LYPLAL1: variants seen among roughly 807,000 people sequenced by gnomAD.
LYPLAL1 encodes lysophospholipase-like protein 1.
A neutral mutation model predicts 19.7 loss-of-function variants in LYPLAL1; 23 were observed. The observed-to-expected ratio is 1.17, with a 90% CI of 0.84 to 1.65. The LOEUF (loss-of-function observed/expected upper bound fraction) is 1.65, where lower values mean the gene tolerates loss of function less well. LYPLAL1 is among the 40% of genes most tolerant of loss of function. The pLI, the probability that LYPLAL1 is intolerant of heterozygous loss-of-function variation, is 0.00. For missense variants in LYPLAL1, 355 were observed against 279.4 expected, an observed-to-expected ratio of 1.27 and a Z score of -1.93; for synonymous variants, 119 against 96.3, an observed-to-expected ratio of 1.24 and a Z score of -1.38.
At chr1:219,320,915 C>G in the LYPLAL1 span, among the ~76,000 whole-genome samples, 1 of 152,166 alleles carries the variant, frequency 6.6e-6, no homozygotes, top group Non-Finnish European at 1.5e-5. Flanking sequence ...GTGCATGTGT[C>G]TTTATAGCAG....
chr1:219,326,303 G>T, the LYPLAL1 span, among the ~76,000 whole-genome samples: 1 of 150,358 alleles, frequency 6.7e-6, no homozygotes, highest in South Asian at 2.1e-4. Context: ...TTTGGTGGGT[G>T]GGGGGTTGGG....
the LYPLAL1 span, among the ~76,000 whole-genome samples, chr1:219,229,502 C>T: frequency 1.7e-4 from 26 of 152,290 alleles, no homozygotes; most frequent in Admixed American, 3.9e-4. Flanking sequence ...TCTCCAAGCC[C>T]ATGTATCATC....
chr1:219,363,763 G>A, the LYPLAL1 span, among the ~76,000 whole-genome samples: 2 of 152,134 alleles, frequency 1.3e-5, no homozygotes, highest in Non-Finnish European at 2.9e-5. Context: ...CTGATGGTTG[G>A]CAACCCAGGC....
Position 219,201,856 on chromosome 1 carries a change from T to TA in LYPLAL1, c.361+8606dup, listed in dbSNP as rs1268043898. On this transcript the variant is annotated intron_variant, in intron 3 of 4. Coordinates refer to ENST00000366928, the MANE Select transcript of LYPLAL1 (RefSeq NM_138794.5). The stretch of plus-strand genomic sequence containing the variant: ...ATTAGTGCTATTACCCCACTTTTCA[T>TA]ATGCTGGATTCTTCACATACGTTAG... Among the ~76,000 whole-genome samples, 5 of 152,340 alleles carry TA rather than the reference T, an allele frequency of 3.3e-5. No individual in the cohort carries two copies. In the East Asian group the frequency reaches 9.6e-4, roughly 29 times the overall value.
At chr1:219,357,906 G>A in the LYPLAL1 span, among the ~76,000 whole-genome samples, 136 of 152,218 alleles carry the variant, frequency 8.9e-4, 1 homozygote, top group African/African-American at 3.0e-3. Context: ...TCTTAAATGC[G>A]TAATGCCAAA....
chr1:219,366,944 C>T, the LYPLAL1 span, among the ~76,000 whole-genome samples: 3 of 151,918 alleles, frequency 2.0e-5, no homozygotes, highest in Non-Finnish European at 4.4e-5. Context: ...CCCTTGGTCA[C>T]AACTTTGGTA....
At chr1:219,333,353 TA>T in the LYPLAL1 span, among the ~76,000 whole-genome samples, 1 of 152,046 alleles carries the variant, frequency 6.6e-6, no homozygotes, top group Non-Finnish European at 1.5e-5. Context: ...GAAGCTCCTT[TA>T]ACATCACAGT....
chr1:219,285,017 A>T, the LYPLAL1 span, among the ~76,000 whole-genome samples: 1 of 152,254 alleles, frequency 6.6e-6, no homozygotes. Flanking sequence ...CTTAAAAATT[A>T]TACAGTGGTA....
chr1:219,427,709 A>G, the LYPLAL1 span, among the ~76,000 whole-genome samples: 18 of 152,174 alleles, frequency 1.2e-4, 1 homozygote, highest in South Asian at 1.0e-3. Flanking sequence ...GAGATGAGAA[A>G]CAGCATTACA....
At chr1:219,402,966 T>C in the LYPLAL1 span, among the ~76,000 whole-genome samples, 33 of 152,186 alleles carry the variant, frequency 2.2e-4, no homozygotes, top group African/African-American at 7.5e-4. Context: ...CTCCTCACAC[T>C]GTGCTTATAT....
chr1:219,190,448 C>T (rs1027684737), intron 2 of LYPLAL1, among the ~76,000 whole-genome samples: 1 of 150,860 alleles, frequency 6.6e-6, no homozygotes, highest in Non-Finnish European at 1.5e-5. Flanking sequence ...GAAATTCCCC[C>T]AAAATTCAAG....
chr1:219,190,622 T>TA (rs35544870), intron 2 of LYPLAL1, among the ~76,000 whole-genome samples: 3,997 of 86,000 alleles, frequency 0.046, 163 homozygotes, highest in South Asian at 0.11. Flanking sequence ...TTTTGTCCAG[T>TA]AAAAAAAAAA....
chr1:219,350,665 G>A, the LYPLAL1 span, among the ~76,000 whole-genome samples: 3 of 152,198 alleles, frequency 2.0e-5, no homozygotes, highest in Non-Finnish European at 4.4e-5. Flanking sequence ...GGCTGCAACC[G>A]ATATGCAGAT....
the LYPLAL1 span, among the ~76,000 whole-genome samples, chr1:219,348,705 G>A: frequency 6.6e-6 from 1 of 152,154 alleles, no homozygotes; most frequent in African/African-American, 2.4e-5. Context: ...AAGAGCCAGA[G>A]AGTGTGCATG....
chr1:219,441,200 T>A, the LYPLAL1 span, among the ~76,000 whole-genome samples: 1 of 152,248 alleles, frequency 6.6e-6, no homozygotes, highest in African/African-American at 2.4e-5. Flanking sequence ...TGGAACTTAT[T>A]TTGATGCTGA....
the LYPLAL1 span, among the ~76,000 whole-genome samples, chr1:219,294,318 C>T: frequency 6.6e-6 from 1 of 152,154 alleles, no homozygotes; most frequent in Non-Finnish European, 1.5e-5. Context: ...GGATGTTTAA[C>T]ATAAAATGTC....
chr1:219,239,209 T>C, the LYPLAL1 span, among the ~76,000 whole-genome samples: 4 of 152,276 alleles, frequency 2.6e-5, no homozygotes, highest in East Asian at 7.7e-4. Flanking sequence ...AGTTTACAAA[T>C]TGGGAAATTA....
chr1:219,290,287 C>G, the LYPLAL1 span, among the ~76,000 whole-genome samples: 1 of 152,110 alleles, frequency 6.6e-6, no homozygotes, highest in Admixed American at 6.6e-5. Flanking sequence ...TAGAGGCATT[C>G]GAACCAGAGG....
the LYPLAL1 span, among the ~76,000 whole-genome samples, chr1:219,399,635 C>T: frequency 6.6e-6 from 1 of 152,122 alleles, no homozygotes; most frequent in South Asian, 2.1e-4. Flanking sequence ...GAGCTCTCCA[C>T]TGATCAGGTA....
Sources: gnomAD v4.1 joint callset for allele counts (sites outside exome capture counted in the v4.1 genomes callset) on GRCh38, gnomAD v4.1.1 for gene constraint, MANE v1.5 for transcripts, NCBI Gene and HGNC (gene_info 2026-07-23, HGNC 2026-07-21) for gene names.